SLC41A2: variants seen among roughly 807,000 people sequenced by gnomAD.
SLC41A2 encodes solute carrier family 41 member 2, also known as SLC41A1-like 1.
A neutral mutation model predicts 58.3 loss-of-function variants in SLC41A2; 32 were observed. The ratio of observed to expected loss-of-function variants is 0.55; its 90% confidence interval spans 0.41 to 0.74. The LOEUF is 0.74. SLC41A2 is among the 30% of genes least tolerant of loss of function. SLC41A2 has a pLI of 0.00. For missense variants in SLC41A2, 514 were observed against 680.6 expected, an observed-to-expected ratio of 0.76 and a Z score of 2.72; for synonymous variants, 190 against 235.0, an observed-to-expected ratio of 0.81 and a Z score of 1.75.
chr12:104,922,147 AT>A (rs1289531871), intron 2 of SLC41A2, among the ~76,000 whole-genome samples: 1 of 152,168 alleles, frequency 6.6e-6, no homozygotes, highest in Non-Finnish European at 1.5e-5. Flanking sequence ...AAGCAACAAA[AT>A]GTCAATTGTA....
At chr12:104,818,983 A>C (rs2041525112) in intron 10 of SLC41A2, among the ~76,000 whole-genome samples, 4 of 152,328 alleles carry the variant, frequency 2.6e-5, no homozygotes, top group African/African-American at 9.6e-5. Context: ...AACTGTATAA[A>C]ATCTGAAAAA....
chr12:104,951,952 T>G (rs2047973695), intron 1 of SLC41A2, among the ~76,000 whole-genome samples: 1 of 152,058 alleles, frequency 6.6e-6, no homozygotes, highest in Admixed American at 6.5e-5. Context: ...TGGCTGCTCC[T>G]GTGAGCAATC....
At chr12:104,879,308 G>A (rs938508534) in intron 6 of SLC41A2, among the ~76,000 whole-genome samples, 22 of 152,174 alleles carry the variant, frequency 1.4e-4, no homozygotes, top group African/African-American at 5.3e-4. Flanking sequence ...AAGCTCTTTA[G>A]TTTAATTAGA....
chr12:104,936,875 G>A (rs1176255209), intron 1 of SLC41A2, among the ~76,000 whole-genome samples: 1 of 152,220 alleles, frequency 6.6e-6, no homozygotes, highest in African/African-American at 2.4e-5. Context: ...ATTTTGTGCA[G>A]CTGTACAATG....
At chr12:104,854,061 A>T (rs1487554198) in intron 8 of SLC41A2, among the ~76,000 whole-genome samples, 1 of 151,512 alleles carries the variant, frequency 6.6e-6, no homozygotes, top group Non-Finnish European at 1.5e-5. Context: ...TGCTCAGCCT[A>T]GATTATACAT....
At chr12:104,807,908 T>C (rs1281184452) in intron 10 of SLC41A2, among the ~76,000 whole-genome samples, 1 of 152,224 alleles carries the variant, frequency 6.6e-6, no homozygotes, top group Non-Finnish European at 1.5e-5. Flanking sequence ...TTTTTGCACA[T>C]TGATTTTGTA....
chr12:104,872,757 A>G (rs1009618681), intron 6 of SLC41A2, among the ~76,000 whole-genome samples: 18 of 152,106 alleles, frequency 1.2e-4, no homozygotes, highest in African/African-American at 3.6e-4. Flanking sequence ...GAAAAGTAGC[A>G]CACATTGAAT....
intron 2 of SLC41A2, 27 bp downstream of exon 2, chr12:104,927,946 T>C (rs768591367): frequency 2.6e-6 from 4 of 1,518,408 alleles, no homozygotes; most frequent in Non-Finnish European, 3.5e-6. Context: ...AAAAAGACAG[T>C]AAAGTTAAAT....
intron 10 of SLC41A2, among the ~76,000 whole-genome samples, chr12:104,825,171 A>G (rs1396570434): frequency 6.6e-6 from 1 of 152,176 alleles, no homozygotes; most frequent in Non-Finnish European, 1.5e-5. Flanking sequence ...AAATCAGACC[A>G]ATTTTTTCCT....
At chr12:104,948,873 T>C (rs2135974306) in intron 1 of SLC41A2, among the ~76,000 whole-genome samples, 1 of 152,366 alleles carries the variant, frequency 6.6e-6, no homozygotes, top group Non-Finnish European at 1.5e-5. Flanking sequence ...GTTTCACCTC[T>C]GATCCATAGG....
intron 8 of SLC41A2, among the ~76,000 whole-genome samples, chr12:104,848,022 G>C (rs2042669450): frequency 6.6e-6 from 1 of 152,060 alleles, no homozygotes; most frequent in Non-Finnish European, 1.5e-5. Context: ...GAACATACTA[G>C]CCAACAACAG....
At chr12:104,887,048 G>T (rs2044706215) in intron 5 of SLC41A2, among the ~76,000 whole-genome samples, 1 of 151,956 alleles carries the variant, frequency 6.6e-6, no homozygotes, top group Non-Finnish European at 1.5e-5. Context: ...GAGAATAGAA[G>T]ATGAAAATTT....
rs766864035 is a variant in SLC41A2, at chr12:104,866,433, T to C, written c.1174A>G (p.Ser392Gly). ...EPVITAMVIS[S>G]IGGLILDTTV... ...ACACACACATATTTTAATACTAACC[T>C]ACTTATAACCATAGCTGTTATGACA... Residue 392 changes from serine (S) to glycine (G), a missense_variant and splice_region_variant, in exon 7 of 11, where the codon AGC (serine) becomes GGC (glycine). Coordinates refer to ENST00000258538, the MANE Select transcript of SLC41A2 (RefSeq NM_001352171.3). 3 of 1,610,058 alleles carry C rather than the reference T, an allele frequency of 1.9e-6. No individual in the cohort carries two copies. The highest frequency in any genetic ancestry group is 2.2e-5 in the South Asian group (2 of 90,602).
At chr12:104,882,386 A>G (rs1296498767) in intron 6 of SLC41A2, among the ~76,000 whole-genome samples, 1 of 152,014 alleles carries the variant, frequency 6.6e-6, no homozygotes, top group Non-Finnish European at 1.5e-5. Context: ...TTTTTTGCCC[A>G]TTAATTGATG....
chr12:104,858,218 AT>A (rs1458583548), intron 8 of SLC41A2, among the ~76,000 whole-genome samples: 7 of 152,202 alleles, frequency 4.6e-5, no homozygotes, highest in Non-Finnish European at 7.4e-5. Flanking sequence ...ATATTAAAAA[AT>A]ATCCTAGTCA....
chr12:104,948,114 T>C (rs1429862657), intron 1 of SLC41A2, among the ~76,000 whole-genome samples: 5 of 152,212 alleles, frequency 3.3e-5, no homozygotes, highest in Admixed American at 3.3e-4. Flanking sequence ...ATGTAGTAGA[T>C]ATAATGTAGC....
At chr12:104,814,618 C>A (rs2041314682) in intron 10 of SLC41A2, among the ~76,000 whole-genome samples, 1 of 152,056 alleles carries the variant, frequency 6.6e-6, no homozygotes, top group Non-Finnish European at 1.5e-5. Context: ...AAAAAACTCT[C>A]CAAGTCTTAG....
chr12:104,944,318 C>T (rs1057401548), intron 1 of SLC41A2, among the ~76,000 whole-genome samples: 2 of 152,326 alleles, frequency 1.3e-5, no homozygotes, highest in Admixed American at 6.5e-5. Context: ...AGGTCTTCCT[C>T]AGGTGGTGGC....
intron 10 of SLC41A2, among the ~76,000 whole-genome samples, chr12:104,839,902 A>G (rs2042348307): frequency 6.6e-6 from 1 of 152,178 alleles, no homozygotes; most frequent in South Asian, 2.1e-4. Context: ...TAGAGGATAT[A>G]TATTTAGGAT....
Sources: gnomAD v4.1 joint callset for allele counts (sites outside exome capture counted in the v4.1 genomes callset) on GRCh38, gnomAD v4.1.1 for gene constraint, MANE v1.5 for transcripts, NCBI Gene and HGNC (gene_info 2026-07-23, HGNC 2026-07-21) for gene names.